Variants in PNMA2 observed in about 807,000 individuals in gnomAD.
The protein encoded by PNMA2 is paraneoplastic antigen Ma2.
For synonymous variants in PNMA2, 175 were observed against 183.5 expected (o/e 0.95, Z 0.38); for missense variants, 455 against 452.9 (o/e 1.00, Z -0.04).
intron 1 of PNMA2, among the ~76,000 whole-genome samples, chr8:26,510,665 G>T (rs1468470460): frequency 6.6e-6 from 1 of 151,418 alleles, no homozygotes; most frequent in Non-Finnish European, 1.5e-5. Flanking sequence ...GTTCAGCCTG[G>T]TCTCAAACTC....
chr8:26,508,301 T>C lies in PNMA2; in HGVS notation c.455A>G (p.His152Arg), dbSNP rs995626755. ...LAHLLGQAMA[H>R]APQPLLPMRY... ...CATGGGTAGCAGGGGCTGAGGCGCA[T>C]GTGCCATTGCCTGTCCCAACAAATG... Residue 152 changes from histidine to arginine, a missense_variant, in exon 3 of 3, where the codon CAT (histidine) becomes CGT (arginine). Transcript: ENST00000522362. The surrounding 1 kb of genome is among the most constrained non-coding windows in gnomAD (Gnocchi z 5.5). The C allele has an allele frequency of 7.5e-6, 12 of 1,606,504 alleles. No individual in the cohort carries two copies. The highest frequency in any genetic ancestry group is 1.0e-5 in the Non-Finnish European group (12 of 1,175,966).
At position 26,505,886 on chromosome 8, in the gene PNMA2, G is replaced by A. The variant is rs1169338822; in HGVS notation, c.*1775C>T. 6.6e-6 allele frequency: 1 copy of A among 152,170 alleles called. No homozygotes were observed. Among genetic ancestry groups the A allele is most frequent in the African/African-American group, 2.4e-5 (1 of 41,428 alleles). 9.4% of individuals were successfully genotyped at this position (152,170 alleles called of 1,614,324 possible). ...GGTGCCTGTAATCCCAGCTACTCGG[G>A]AGGCTGAGGCACGAAATCGCTTGAA... On this transcript the variant is annotated 3_prime_UTR_variant, in exon 3 of 3. Coordinates refer to ENST00000522362, the MANE Select transcript of PNMA2 (RefSeq NM_007257.6).
In PNMA2 at chr8:26,508,245, T is replaced by C. The variant is rs780401667; in HGVS notation, c.511A>G (p.Ser171Gly). ...TCTTCCTCTGGGGCTGGGACAGCAC[T>C]CCCTGAGAATACTCGCAGTTTCCGG... ...RYRKLRVFSGSAVPAPEEESF... is the reference protein window; with the variant it reads ...RYRKLRVFSGGAVPAPEEESF... The change falls in exon 3 of 3, where the codon AGT (serine) becomes GGT (glycine). Residue 171 changes from serine to glycine, a missense_variant. Physicochemically the swap from Ser to Gly is moderately conservative, Grantham distance 56 (BLOSUM62 0). Transcript: ENST00000522362. This position sits in a 1 kb window ranked among gnomAD's most constrained non-coding sequence, Gnocchi z 5.5. 6.2e-7 allele frequency: 1 copy of C among 1,602,888 alleles called. No individual in the cohort carries two copies. Among genetic ancestry groups the C allele is most frequent in the Non-Finnish European group, 8.5e-7 (1 of 1,174,194 alleles).
Position 26,508,121 on chromosome 8 carries a change from C to A in PNMA2, c.635G>T (p.Gly212Val). ...KKRWLAESLR[G>V]PALDLMHIVQ... ...TATGTGCATGAGGTCCAGGGCAGGG[C>A]CCCGCAGGCTTTCCGCCAGCCACCT... Residue 212 changes from glycine (G) to valine (V), a missense_variant, in exon 3 of 3, where the codon GGC becomes GTC. By Grantham distance (109) the Gly-to-Val change is moderately radical. Coordinates refer to ENST00000522362, the MANE Select transcript of PNMA2 (RefSeq NM_007257.6). The surrounding 1 kb of genome is among the most constrained non-coding windows in gnomAD (Gnocchi z 5.5). 6.2e-7 allele frequency: 1 copy of A among 1,614,232 alleles called. No individual in the cohort carries two copies. Among genetic ancestry groups the A allele is most frequent in the East Asian group, 2.2e-5 (1 of 44,884 alleles).
chr8:26,508,150 C>G lies in PNMA2; in HGVS notation c.606G>C (p.Lys202Asn). Residue 202 changes from lysine (K) to asparagine (N), a missense_variant, in exon 3 of 3, where the codon AAG (lysine) becomes AAC (asparagine). Physicochemically the swap from Lys to Asn is moderately conservative, Grantham distance 94. Coordinates refer to ENST00000522362, the MANE Select transcript of PNMA2 (RefSeq NM_007257.6). This position sits in a 1 kb window ranked among gnomAD's most constrained non-coding sequence, Gnocchi z 5.5. ...GCAGGCTTTCCGCCAGCCACCTTTT[C>G]TTTTCTGCCTCTGTTACTGGCCACT... ...VKEWPVTEAE[K>N]KRWLAESLRG... The G allele has an allele frequency of 6.2e-7, 1 of 1,614,248 alleles. No individual in the cohort carries two copies. Among genetic ancestry groups the G allele is most frequent in the Non-Finnish European group, 8.5e-7 (1 of 1,180,042 alleles).
rs889142146 is a variant in PNMA2 at position 26,507,658 on chromosome 8, T to A, written c.*3A>T. 1 of 1,536,660 alleles carries A rather than the reference T, an allele frequency of 6.5e-7. No homozygotes were observed. Among genetic ancestry groups the A allele is most frequent in the Non-Finnish European group, 8.7e-7 (1 of 1,144,856 alleles). ...GGCTGTGGGTCCTGCCCCCAGGTGG[T>A]TTTCAGTCGTCTCCCTCATGATTCC... is the stretch of plus-strand genomic sequence containing the variant. On this transcript the variant is annotated 3_prime_UTR_variant, in exon 3 of 3. Coordinates refer to ENST00000522362, the MANE Select transcript of PNMA2 (RefSeq NM_007257.6).
At chr8:26,512,777 C>G (rs975855723) in intron 1 of PNMA2, 2 of 152,310 alleles carry the variant, frequency 1.3e-5, no homozygotes, top group Non-Finnish European at 2.9e-5. Context: ...AATGAAGGAC[C>G]AGCATTGACC....
Position 26,508,097 on chromosome 8 carries a change from A to G in PNMA2, c.659T>C (p.Ile220Thr), listed in dbSNP as rs1487925156. Residue 220 changes from isoleucine (I) to threonine (T), a missense_variant, in exon 3 of 3, where the codon ATA becomes ACA. Physicochemically the swap from Ile to Thr is moderately conservative, Grantham distance 89. Transcript: ENST00000522362. The surrounding 1 kb of genome is among the most constrained non-coding windows in gnomAD (Gnocchi z 5.5). ...GATGGACGGGTTGTCTGCCTGCACT[A>G]TGTGCATGAGGTCCAGGGCAGGGCC... is the stretch of plus-strand genomic sequence containing the variant. ...LRGPALDLMH[I>T]VQADNPSISV... 3 of 1,614,188 alleles carry G rather than the reference A, an allele frequency of 1.9e-6. No homozygotes were observed. The highest frequency in any genetic ancestry group is 1.7e-6 in the Non-Finnish European group (2 of 1,180,032).
Position 26,508,168 on chromosome 8 carries a change from T to G in PNMA2, c.588A>C (p.Pro196=), listed in dbSNP as rs746113624. 1 of 1,614,224 alleles carries G rather than the reference T, an allele frequency of 6.2e-7. No homozygotes were observed. Among genetic ancestry groups the G allele is most frequent in the Non-Finnish European group, 8.5e-7 (1 of 1,180,038 alleles). Reference sequence around the variant, plus strand: ...ACCTTTTCTTTTCTGCCTCTGTTACTGGCCACTCTTTGACTATCTCCGTGG... The same window carrying G: ...ACCTTTTCTTTTCTGCCTCTGTTACGGGCCACTCTTTGACTATCTCCGTGG... ...EQATEIVKEW[P]VTEAEKKRWL... The change falls in exon 3 of 3, where the codon CCA becomes CCC. Residue 196 remains proline (P), a synonymous_variant. Coordinates refer to ENST00000522362, the MANE Select transcript of PNMA2 (RefSeq NM_007257.6). The surrounding 1 kb of genome is among the most constrained non-coding windows in gnomAD (Gnocchi z 5.5).
rs1029050531 is a variant in PNMA2, at chr8:26,505,644, G to A, written c.*2017C>T. The A allele has an allele frequency of 2.6e-5, 4 of 152,248 alleles. No homozygotes were observed. Among genetic ancestry groups the A allele is most frequent in the African/African-American group, 9.6e-5 (4 of 41,456 alleles). The allele number at this position is 152,248 out of a possible 1,614,324, so 9.4% of individuals were successfully genotyped here. A position where few individuals can be genotyped will look rare whatever the true frequency, so the allele number is the denominator to read the frequency against. On this transcript the variant is annotated 3_prime_UTR_variant, in exon 3 of 3. Coordinates refer to ENST00000522362, the MANE Select transcript of PNMA2 (RefSeq NM_007257.6). ...AGTAAACCTGGTGGTGAATGCTGAT[G>A]TGTTAAAATTTGGTTATCAGCCCAT...
rs1018600366 is a variant in PNMA2, at chr8:26,504,991, C to G, written c.*2670G>C. The G allele has an allele frequency of 1.3e-5, 2 of 152,340 alleles. No individual in the cohort carries two copies. The allele number at this position is 152,340 out of a possible 1,614,324, so 9.4% of individuals were successfully genotyped here. A position where few individuals can be genotyped will look rare whatever the true frequency, so the allele number is the denominator to read the frequency against. The stretch of plus-strand genomic sequence containing the variant: ...AAGTAATTATTTAAAAGTCAAACCT[C>G]TAACAATTGTCAACAACTGCTGGAA... On this transcript the variant is annotated 3_prime_UTR_variant, in exon 3 of 3. Transcript: ENST00000522362.
Position 26,507,665 on chromosome 8 carries a change from T to C in PNMA2, c.1091A>G (p.Asp364Gly). 3.2e-6 allele frequency: 5 copies of C among 1,542,834 alleles called. No individual in the cohort carries two copies. Among genetic ancestry groups the C allele is most frequent in the South Asian group, 1.3e-5 (1 of 77,250 alleles). ...GGTCCTGCCCCCAGGTGGTTTTCAG[T>C]CGTCTCCCTCATGATTCCAGCGGCC... ...GYGRWNHEGD[D>G] is the part of the protein sequence containing the mutation. Residue 364 changes from aspartate (D) to glycine (G), a missense_variant, in exon 3 of 3, where the codon GAC becomes GGC. Transcript: ENST00000522362.
Position 26,509,510 on chromosome 8 carries a change from G to C in PNMA2, c.-489+38C>G, listed in dbSNP as rs1808112214. On this transcript the variant is annotated intron_variant, in intron 2 of 2. Coordinates refer to ENST00000522362, the MANE Select transcript of PNMA2 (RefSeq NM_007257.6). The surrounding 1 kb of genome is among the most constrained non-coding windows in gnomAD (Gnocchi z 5.7). ...GTTAAGGACAGGATTCAAGGTCTTTGCCATTGAAAGATGAAATCAGGAGAT... is the reference window on the plus strand; with the variant it reads ...GTTAAGGACAGGATTCAAGGTCTTTCCCATTGAAAGATGAAATCAGGAGAT... 2 of 152,168 alleles carry C rather than the reference G, an allele frequency of 1.3e-5. No individual in the cohort carries two copies. The highest frequency in any genetic ancestry group is 1.3e-4 in the Admixed American group (2 of 15,272). 9.4% of individuals were successfully genotyped at this position (152,168 alleles called of 1,614,324 possible).
At position 26,508,127 on chromosome 8, in the gene PNMA2, A is replaced by G. The variant is rs1808079511; in HGVS notation, c.629T>C (p.Leu210Pro). ...CATGAGGTCCAGGGCAGGGCCCCGC[A>G]GGCTTTCCGCCAGCCACCTTTTCTT... ...AEKKRWLAES[L>P]RGPALDLMHI... The change falls in exon 3 of 3, where the codon CTG (leucine) becomes CCG (proline). Residue 210 changes from leucine to proline, a missense_variant. Coordinates refer to ENST00000522362, the MANE Select transcript of PNMA2 (RefSeq NM_007257.6). The surrounding 1 kb of genome is among the most constrained non-coding windows in gnomAD (Gnocchi z 5.5). 1 of 1,614,072 alleles carries G rather than the reference A, an allele frequency of 6.2e-7. No individual in the cohort carries two copies. Among genetic ancestry groups the G allele is most frequent in the African/African-American group, 1.3e-5 (1 of 74,940 alleles).
In PNMA2 at chr8:26,507,532, G is replaced by A; in HGVS notation, c.*129C>T. The A allele has an allele frequency of 1.4e-6, 1 of 733,582 alleles. No individual in the cohort carries two copies. The allele number at this position is 733,582 out of a possible 1,614,324, so 45.4% of individuals were successfully genotyped here. On this transcript the variant is annotated 3_prime_UTR_variant, in exon 3 of 3. Transcript: ENST00000522362. ...GGAGAGAAGGAGAGAAGGAGGAAGG[G>A]AGGGAAGGAAGGAAGGAAGGAAGGT...
chr8:26,510,924 G>A (rs1199499392), intron 1 of PNMA2, among the ~76,000 whole-genome samples: 6 of 152,158 alleles, frequency 3.9e-5, no homozygotes, highest in South Asian at 2.1e-4. Flanking sequence ...AAGCCAAGGC[G>A]GGTAGATCAC....
rs1214473951 is a variant in PNMA2 at position 26,507,686 on chromosome 8, C to T, written c.1070G>A (p.Arg357His). 3.8e-6 allele frequency: 6 copies of T among 1,561,382 alleles called. No homozygotes were observed. Among genetic ancestry groups the T allele is most frequent in the South Asian group, 1.2e-5 (1 of 80,138 alleles). Reference protein sequence around the residue: ...EEPEERDGYGRWNHEGDD With the variant: ...EEPEERDGYGHWNHEGDD ...TCAGTCGTCTCCCTCATGATTCCAGCGGCCATAGCCATCTCGTTCCTCTGG... is the reference window on the plus strand; with the variant it reads ...TCAGTCGTCTCCCTCATGATTCCAGTGGCCATAGCCATCTCGTTCCTCTGG... Residue 357 changes from arginine (R) to histidine (H), a missense_variant, in exon 3 of 3, where the codon CGC (arginine) becomes CAC (histidine). Coordinates refer to ENST00000522362, the MANE Select transcript of PNMA2 (RefSeq NM_007257.6).
intron 1 of PNMA2, among the ~76,000 whole-genome samples, chr8:26,510,747 C>A (rs1477886679): frequency 6.6e-6 from 1 of 152,192 alleles, no homozygotes; most frequent in Non-Finnish European, 1.5e-5. Flanking sequence ...CCACACCCAG[C>A]CTTTCCTAAC....
chr8:26,510,742 C>T (rs1041405051), intron 1 of PNMA2, among the ~76,000 whole-genome samples: 1 of 152,184 alleles, frequency 6.6e-6, no homozygotes, highest in African/African-American at 2.4e-5. Flanking sequence ...AATCACCACA[C>T]CCAGCCTTTC....
Sources: gnomAD v4.1 joint callset for allele counts (sites outside exome capture counted in the v4.1 genomes callset) on GRCh38, gnomAD v4.1.1 for gene constraint, Gnocchi (gnomAD v3.1) non-coding constraint, MANE v1.5 for transcripts, NCBI Gene and HGNC (gene_info 2026-07-23, HGNC 2026-07-21) for gene names.